Variants in GABPB2 observed in about 807,000 individuals in gnomAD.
The protein encoded by GABPB2 is GA binding protein transcription factor subunit beta 2.
GABPB2 carries 23 observed loss-of-function variants against 39.1 expected under a neutral mutation model. The observed-to-expected ratio is 0.59, with a 90% CI of 0.42 to 0.83. GABPB2 has a LOEUF of 0.83. Among genes scored for constraint, GABPB2 ranks in the 40% least tolerant of loss-of-function variants. GABPB2 has a pLI of 0.00. For missense variants in GABPB2, 467 were observed against 541.1 expected (o/e 0.86, Z 1.36); for synonymous variants, 184 against 199.3 (o/e 0.92, Z 0.65).
chr1:151,074,371 C>T (rs1291057872), intron 1 of GABPB2, among the ~76,000 whole-genome samples: 1 of 147,440 alleles, frequency 6.8e-6, no homozygotes, highest in Admixed American at 6.9e-5. Flanking sequence ...AGTGCAGTGG[C>T]GTGATCACGG....
chr1:151,089,960 C>T (rs1374920567), intron 2 of GABPB2, among the ~76,000 whole-genome samples: 17 of 140,980 alleles, frequency 1.2e-4, no homozygotes, highest in East Asian at 8.4e-4. Flanking sequence ...TTTTTTGAGA[C>T]GGTGTTTCAC....
At chr1:151,096,034 CAA>C (rs11307389) in intron 4 of GABPB2, among the ~76,000 whole-genome samples, 6,771 of 107,524 alleles carry the variant, frequency 0.063, 224 homozygotes, top group African/African-American at 0.12. Context: ...GTGAGACTCT[CAA>C]AAAAAAAAAA....
chr1:151,077,358 T>G (rs1408581097), intron 1 of GABPB2, among the ~76,000 whole-genome samples: 7 of 118,792 alleles, frequency 5.9e-5, no homozygotes, highest in Non-Finnish European at 1.3e-4. Flanking sequence ...ACTCATAGGT[T>G]TTTTTTTTTT....
intron 7 of GABPB2, chr1:151,112,848 G>T: frequency 6.6e-6 from 1 of 152,082 alleles, no homozygotes; most frequent in Non-Finnish European, 1.5e-5. Context: ...TCGGCTCACT[G>T]CAATCTCTGC....
chr1:151,103,488 T>G, intron 5 of GABPB2, 74 bp from the exon 6 acceptor site: 1 of 938,928 alleles, frequency 1.1e-6, no homozygotes, highest in Non-Finnish European at 1.7e-6. Context: ...GAGGTTTTGA[T>G]TTAATAAGCT....
intron 7 of GABPB2, among the ~76,000 whole-genome samples, chr1:151,108,270 A>G (rs1208039786): frequency 6.6e-6 from 1 of 152,148 alleles, no homozygotes; most frequent in Non-Finnish European, 1.5e-5. Flanking sequence ...CCCTGGTTCA[A>G]GTAATTCTTG....
chr1:151,101,851 ACTG>A (rs1156360195), intron 5 of GABPB2, among the ~76,000 whole-genome samples: 2 of 152,206 alleles, frequency 1.3e-5, no homozygotes, highest in African/African-American at 4.8e-5. Flanking sequence ...TTTATACAAA[ACTG>A]TTGAGTAATA....
chr1:151,114,475 G>A (rs950871880), intron 7 of GABPB2, among the ~76,000 whole-genome samples: 1 of 152,074 alleles, frequency 6.6e-6, no homozygotes, highest in Non-Finnish European at 1.5e-5. Context: ...CGAGGTGGAC[G>A]GATCACAAGG....
intron 1 of GABPB2, among the ~76,000 whole-genome samples, chr1:151,083,163 A>G (rs1459754719): frequency 6.6e-6 from 1 of 152,186 alleles, no homozygotes; most frequent in South Asian, 2.1e-4. Context: ...TGTATAGGTC[A>G]TCTAAATATT....
chr1:151,090,040 G>A (rs1678538841), intron 2 of GABPB2, among the ~76,000 whole-genome samples: 1 of 151,404 alleles, frequency 6.6e-6, no homozygotes, highest in African/African-American at 2.4e-5. Flanking sequence ...CAGGTTCAAA[G>A]CAATTCTCCC....
intron 1 of GABPB2, among the ~76,000 whole-genome samples, chr1:151,085,920 G>A (rs1678148769): frequency 6.6e-6 from 1 of 152,090 alleles, no homozygotes; most frequent in Non-Finnish European, 1.5e-5. Context: ...ATGCAGAATA[G>A]TGGGTACAAT....
intron 1 of GABPB2, among the ~76,000 whole-genome samples, chr1:151,071,321 G>A (rs937797051): frequency 1.3e-5 from 2 of 152,110 alleles, no homozygotes; most frequent in Non-Finnish European, 2.9e-5. Flanking sequence ...TTGGTGTGAG[G>A]AACTGTAGGG....
chr1:151,077,230 A>G (rs1416257518), intron 1 of GABPB2, among the ~76,000 whole-genome samples: 1 of 152,160 alleles, frequency 6.6e-6, no homozygotes, highest in African/African-American at 2.4e-5. Flanking sequence ...TACCTTGTCT[A>G]AAGTCCCTGT....
chr1:151,094,834 C>A (rs587659821), intron 4 of GABPB2, among the ~76,000 whole-genome samples: 1 of 150,786 alleles, frequency 6.6e-6, no homozygotes, highest in African/African-American at 2.4e-5. Flanking sequence ...TGGTGAAATC[C>A]CGTCTCTACT....
At position 151,089,940 on chromosome 1, in the gene GABPB2, ATT is replaced by A. The variant is rs36109860; in HGVS notation, c.109-452_109-451del. 4.2e-3 allele frequency among the ~76,000 whole-genome samples: 599 copies of A among 143,780 alleles called. 9 individuals are homozygous for A. Among genetic ancestry groups the A allele is most frequent in the African/African-American group, 0.015 (577 of 38,950 alleles). The allele number at this position is 143,780 out of a possible 152,430, so 94.3% of individuals were successfully genotyped here. ...TATTTATTTGTCCATTAGCATGTTA[ATT>A]TTTTTTTTTTTTTGAGACGGTGTTT... On this transcript the variant is annotated intron_variant, in intron 2 of 8. Transcript: ENST00000368918.
intron 1 of GABPB2, among the ~76,000 whole-genome samples, chr1:151,071,282 C>T (rs587670179): frequency 1.3e-5 from 2 of 152,170 alleles, no homozygotes; most frequent in South Asian, 4.1e-4. Context: ...CCCCCTGCCC[C>T]AAATTGGTTC....
In GABPB2 at chr1:151,121,565, A is replaced by T. The variant is rs906434320; in HGVS notation, c.*3309A>T. ...GTGATTCTCCTGCCTCAGCCTCCCG[A>T]GTAGCTGGGACTACAGGCATGCGCC... is the stretch of plus-strand genomic sequence containing the variant. On this transcript the variant is annotated 3_prime_UTR_variant, in exon 9 of 9. Transcript: ENST00000368918. The T allele has an allele frequency of 2.0e-5, 3 of 152,114 alleles. No individual in the cohort carries two copies. Among genetic ancestry groups the T allele is most frequent in the Admixed American group, 1.3e-4 (2 of 15,248 alleles). 9.4% of individuals were successfully genotyped at this position (152,114 alleles called of 1,614,324 possible). A position where few individuals can be genotyped will look rare whatever the true frequency, so the allele number is the denominator to read the frequency against.
intron 1 of GABPB2, among the ~76,000 whole-genome samples, chr1:151,083,163 A>C (rs1459754719): frequency 6.6e-6 from 1 of 152,186 alleles, no homozygotes; most frequent in Admixed American, 6.6e-5. Flanking sequence ...TGTATAGGTC[A>C]TCTAAATATT....
intron 5 of GABPB2, among the ~76,000 whole-genome samples, chr1:151,102,850 A>G (rs2101535172): frequency 6.6e-6 from 1 of 152,230 alleles, no homozygotes; most frequent in East Asian, 1.9e-4. Flanking sequence ...CCAGAAGGGG[A>G]CTATTCCCTT....
Sources: allele counts gnomAD v4.1 joint callset (sites outside exome capture counted in the v4.1 genomes callset), GRCh38; gene constraint gnomAD v4.1.1; transcripts MANE v1.5; gene names NCBI Gene and HGNC (gene_info 2026-07-23, HGNC 2026-07-21).